The following ATXN8OS variants were observed in gnomAD, a reference collection of about 807,000 sequenced individuals.
The protein encoded by ATXN8OS is ATXN8 opposite strand (non-protein coding).
chr13:70,156,658 G>A (rs583547), intron 4 of ATXN8OS, among the ~76,000 whole-genome samples: 47,129 of 151,842 alleles, frequency 0.31, 8,565 homozygotes, highest in African/African-American at 0.51. Flanking sequence ...GTATTCTGAA[G>A]AAGTGACAAA....
At chr13:70,111,920 T>C (rs1048440229) in intron 1 of ATXN8OS, among the ~76,000 whole-genome samples, 2 of 152,224 alleles carry the variant, frequency 1.3e-5, no homozygotes, top group Non-Finnish European at 2.9e-5. Flanking sequence ...TGTATTTATA[T>C]ACATTTTATT....
chr13:70,145,374 C>A (rs1888767923), intron 3 of ATXN8OS, among the ~76,000 whole-genome samples: 1 of 151,426 alleles, frequency 6.6e-6, no homozygotes, highest in South Asian at 2.1e-4. Context: ...GTAGTTTTTT[C>A]CAATTCTGTG....
intron 3 of ATXN8OS, among the ~76,000 whole-genome samples, chr13:70,140,425 A>G (rs1240942882): frequency 6.6e-6 from 1 of 151,274 alleles, no homozygotes; most frequent in Non-Finnish European, 1.5e-5. Flanking sequence ...ATATGCACTG[A>G]GTTATTGTAA....
At chr13:70,135,515 T>C (rs1373966497) in intron 3 of ATXN8OS, among the ~76,000 whole-genome samples, 2 of 152,160 alleles carry the variant, frequency 1.3e-5, no homozygotes, top group South Asian at 2.1e-4. Flanking sequence ...ATTGTGGTAA[T>C]GTCCAGATTT....
At chr13:70,156,163 T>G (rs1888933648) in intron 4 of ATXN8OS, among the ~76,000 whole-genome samples, 1 of 152,124 alleles carries the variant, frequency 6.6e-6, no homozygotes, top group African/African-American at 2.4e-5. Flanking sequence ...TCAGCATCTA[T>G]AACTGGCACT....
At chr13:70,161,753 T>G (rs545491090) in intron 4 of ATXN8OS, among the ~76,000 whole-genome samples, 1 of 111,242 alleles carries the variant, frequency 9.0e-6, no homozygotes, top group African/African-American at 2.9e-5. Flanking sequence ...GGTATAAGTA[T>G]TTGTTGAGTG....
At chr13:70,135,602 A>G (rs1288216880) in intron 3 of ATXN8OS, among the ~76,000 whole-genome samples, 2 of 152,044 alleles carry the variant, frequency 1.3e-5, no homozygotes, top group Non-Finnish European at 2.9e-5. Context: ...GACAACATCT[A>G]TAATTTACAT....
At chr13:70,162,216 G>C (rs1010628318) in intron 4 of ATXN8OS, among the ~76,000 whole-genome samples, 6 of 152,026 alleles carry the variant, frequency 3.9e-5, no homozygotes, top group African/African-American at 1.4e-4. Flanking sequence ...ACAGGAATCA[G>C]CTGGCACAAT....
intron 3 of ATXN8OS, among the ~76,000 whole-genome samples, chr13:70,146,733 G>T (rs1245931666): frequency 1.4e-5 from 2 of 147,482 alleles, no homozygotes; most frequent in African/African-American, 5.0e-5. Context: ...ATGGACACAG[G>T]AAGGGGAACA....
intron 4 of ATXN8OS, among the ~76,000 whole-genome samples, chr13:70,168,968 T>C (rs1330971461): frequency 6.6e-6 from 1 of 152,146 alleles, no homozygotes; most frequent in Non-Finnish European, 1.5e-5. Flanking sequence ...GTTTGTTAAC[T>C]ATAGAAGAAA....
intron 3 of ATXN8OS, among the ~76,000 whole-genome samples, chr13:70,136,764 C>T (rs945875073): frequency 1.3e-5 from 2 of 152,046 alleles, no homozygotes; most frequent in Admixed American, 6.6e-5. Context: ...TTAATATATA[C>T]TTAAACAAAT....
intron 4 of ATXN8OS, among the ~76,000 whole-genome samples, chr13:70,168,190 A>C (rs1348208310): frequency 6.6e-6 from 1 of 152,118 alleles, no homozygotes; most frequent in African/African-American, 2.4e-5. Flanking sequence ...GAAAGCAGTC[A>C]GCAGTTACCT....
chr13:70,157,195 A>G (rs967595694), intron 4 of ATXN8OS, among the ~76,000 whole-genome samples: 2 of 152,144 alleles, frequency 1.3e-5, no homozygotes, highest in Admixed American at 6.5e-5. Flanking sequence ...ATATTTTACT[A>G]TATCATGAAT....
chr13:70,117,915 C>T (rs938787841), intron 2 of ATXN8OS, among the ~76,000 whole-genome samples: 1 of 152,034 alleles, frequency 6.6e-6, no homozygotes, highest in Non-Finnish European at 1.5e-5. Flanking sequence ...CTTTCAAAGG[C>T]ATTTTGTAAA....
intron 3 of ATXN8OS, among the ~76,000 whole-genome samples, chr13:70,142,154 G>C (rs1888726728): frequency 6.6e-6 from 1 of 152,118 alleles, no homozygotes; most frequent in Non-Finnish European, 1.5e-5. Context: ...AAAGTGCTGG[G>C]ATTACAGGCA....
At chr13:70,143,644 G>T (rs1022443459) in intron 3 of ATXN8OS, among the ~76,000 whole-genome samples, 1 of 152,038 alleles carries the variant, frequency 6.6e-6, no homozygotes, top group Non-Finnish European at 1.5e-5. Flanking sequence ...TGAGCGGTGG[G>T]TACCTCACCT....
chr13:70,153,828 T>G (rs1051434842), intron 4 of ATXN8OS, among the ~76,000 whole-genome samples: 4 of 152,006 alleles, frequency 2.6e-5, no homozygotes, highest in Non-Finnish European at 2.9e-5. Flanking sequence ...CACAGGCACC[T>G]GCCACTACAC....
intron 4 of ATXN8OS, among the ~76,000 whole-genome samples, chr13:70,165,442 C>T (rs2137507204): frequency 6.6e-6 from 1 of 151,846 alleles, no homozygotes; most frequent in South Asian, 2.1e-4. Flanking sequence ...TCTAGAAAAA[C>T]ATTTTTAAAA....
chr13:70,169,589 A>T (rs934610095), intron 4 of ATXN8OS, among the ~76,000 whole-genome samples: 6 of 152,082 alleles, frequency 3.9e-5, no homozygotes, highest in Admixed American at 2.0e-4. Flanking sequence ...CACGGCGCCC[A>T]GCCAGAAAAC....
Sources: gnomAD v4.1 joint callset for allele counts (sites outside exome capture counted in the v4.1 genomes callset) on GRCh38, gnomAD v4.1.1 for gene constraint, MANE v1.5 for transcripts, NCBI Gene and HGNC (gene_info 2026-07-23, HGNC 2026-07-21) for gene names.